The following ERI1 variants were observed in gnomAD, a reference collection of about 807,000 sequenced individuals.
ERI1 encodes 3'-5' exoribonuclease 1.
Under a neutral mutation model 39.7 loss-of-function variants are expected in ERI1, and 39 were observed. The observed-to-expected ratio is 0.98, with a 90% CI of 0.76 to 1.28. The LOEUF (loss-of-function observed/expected upper bound fraction) is 1.28. Among genes scored for constraint, ERI1 ranks in the 50% most tolerant of loss-of-function variants. The pLI is 0.00. For missense variants in ERI1, 581 were observed against 416.9 expected, an observed-to-expected ratio of 1.39 and a Z score of -3.43; for synonymous variants, 204 against 149.6, an observed-to-expected ratio of 1.36 and a Z score of -2.65.
Position 9,030,277 on chromosome 8 carries a change from A to G in ERI1, c.*243A>G. ...TACATAGTAACAGTTCCTGCTTACA[A>G]CTGAATTTTATAATTTAAGGTGTTC... On this transcript the variant is annotated 3_prime_UTR_variant, in exon 7 of 7. Transcript: ENST00000250263. The G allele has an allele frequency of 2.0e-6, 1 of 493,420 alleles. No homozygotes were observed. 30.6% of individuals were successfully genotyped at this position (493,420 alleles called of 1,614,324 possible). A position where few individuals can be genotyped will look rare whatever the true frequency, so the allele number is the denominator to read the frequency against.
chr8:9,095,217 A>G (rs1451706199), intron 3 of ERI1, among the ~76,000 whole-genome samples: 2 of 152,154 alleles, frequency 1.3e-5, no homozygotes, highest in African/African-American at 4.8e-5. Flanking sequence ...AGATTCAGGG[A>G]GTACATGTGC....
At chr8:9,047,031 C>A (rs1189837162) in intron 3 of ERI1, among the ~76,000 whole-genome samples, 1 of 152,180 alleles carries the variant, frequency 6.6e-6, no homozygotes, top group Non-Finnish European at 1.5e-5. Flanking sequence ...ACAATCAATA[C>A]TGCCCAAGAA....
At chr8:9,004,684 CTT>C (rs1279162284) in intron 1 of ERI1, among the ~76,000 whole-genome samples, 267 of 126,736 alleles carry the variant, frequency 2.1e-3, no homozygotes, top group African/African-American at 7.1e-3. Flanking sequence ...AGTAATGATA[CTT>C]TTTTTTTTTT....
intron 3 of ERI1, among the ~76,000 whole-genome samples, chr8:9,051,674 G>A (rs773993243): frequency 5.3e-5 from 8 of 150,792 alleles, no homozygotes; most frequent in Admixed American, 2.0e-4. Context: ...AAAAAAAGAA[G>A]CACGACTAAG....
intron 3 of ERI1, among the ~76,000 whole-genome samples, chr8:9,015,842 CTATT>C (rs1817211198): frequency 6.6e-6 from 1 of 150,898 alleles, no homozygotes; most frequent in African/African-American, 2.4e-5. Flanking sequence ...TAAATTTTGA[CTATT>C]TAGAATTTAG....
At position 9,032,517 on chromosome 8, in the gene ERI1, C is replaced by T. The variant is rs1247473607; in HGVS notation, c.*2483C>T. On this transcript the variant is annotated 3_prime_UTR_variant, in exon 7 of 7. Coordinates refer to ENST00000250263, the MANE Select transcript of ERI1 (RefSeq NM_153332.4). ...TGTTTTTGTGATGTGTCTTTGTTGC[C>T]TTGAGATAGATCCATTTATCCTGCC... 6.6e-6 allele frequency: 1 copy of T among 152,020 alleles called. No individual in the cohort carries two copies. Among genetic ancestry groups the T allele is most frequent in the Non-Finnish European group, 1.5e-5 (1 of 68,008 alleles). The allele number at this position is 152,020 out of a possible 1,614,324, so 9.4% of individuals were successfully genotyped here. A position where few individuals can be genotyped will look rare whatever the true frequency, so the allele number is the denominator to read the frequency against.
intron 5 of ERI1, among the ~76,000 whole-genome samples, chr8:9,019,241 C>T (rs547561399): frequency 1.1e-4 from 17 of 152,282 alleles, no homozygotes; most frequent in Admixed American, 3.9e-4. Flanking sequence ...TTGAAAAGAA[C>T]GTCCTAAACA....
At chr8:9,038,554 C>A (rs1024790913) in intron 3 of ERI1, among the ~76,000 whole-genome samples, 1 of 152,132 alleles carries the variant, frequency 6.6e-6, no homozygotes, top group Non-Finnish European at 1.5e-5. Context: ...GAGCTCAGTT[C>A]TGGACCAGCT....
intron 4 of ERI1, among the ~76,000 whole-genome samples, chr8:9,018,034 A>G (rs150903669): frequency 7.8e-4 from 119 of 152,332 alleles, no homozygotes; most frequent in African/African-American, 2.6e-3. Flanking sequence ...GCCTATAAAA[A>G]GAGAACCACT....
At chr8:9,023,057 G>A (rs1818083709) in intron 6 of ERI1, among the ~76,000 whole-genome samples, 1 of 152,126 alleles carries the variant, frequency 6.6e-6, no homozygotes. Context: ...TACCTTTTGT[G>A]TGTTGAGTCA....
intron 3 of ERI1, among the ~76,000 whole-genome samples, chr8:9,069,780 A>G (rs1038806773): frequency 2.0e-5 from 3 of 152,224 alleles, no homozygotes; most frequent in Admixed American, 6.5e-5. Flanking sequence ...ATTACTTTAC[A>G]AATGTGGCAA....
At chr8:9,014,613 T>C (rs916364471) in intron 3 of ERI1, among the ~76,000 whole-genome samples, 22 of 152,264 alleles carry the variant, frequency 1.4e-4, no homozygotes, top group Admixed American at 1.3e-3. Flanking sequence ...TAAAAGTATT[T>C]AGTAGCGAAT....
At chr8:9,088,426 G>A (rs554305239) in intron 3 of ERI1, 5 of 152,262 alleles carry the variant, frequency 3.3e-5, no homozygotes, top group Admixed American at 3.3e-4. Flanking sequence ...TGCCCATTCT[G>A]CTAAAGCTCT....
At chr8:9,020,280 T>C in intron 5 of ERI1, 70 bp from the exon 6 acceptor site, 2 of 756,856 alleles carry the variant, frequency 2.6e-6, no homozygotes, top group Non-Finnish European at 4.0e-6. Flanking sequence ...AATAAATGAT[T>C]TAAAATACTC....
intron 3 of ERI1, among the ~76,000 whole-genome samples, chr8:9,074,721 C>A (rs966373990): frequency 6.6e-6 from 1 of 152,226 alleles, no homozygotes; most frequent in Non-Finnish European, 1.5e-5. Flanking sequence ...AGGCGTGAGC[C>A]ACTGCGCCCA....
intron 3 of ERI1, among the ~76,000 whole-genome samples, chr8:9,056,110 A>G (rs970894560): frequency 6.6e-6 from 1 of 152,216 alleles, no homozygotes; most frequent in African/African-American, 2.4e-5. Context: ...CCTATGTGCT[A>G]TGGGTTCCTG....
At chr8:9,065,568 G>A (rs1045452564) in intron 3 of ERI1, among the ~76,000 whole-genome samples, 14 of 151,752 alleles carry the variant, frequency 9.2e-5, no homozygotes, top group Admixed American at 4.6e-4. Context: ...AGTGGGGGGC[G>A]CCTGTAGTCC....
At chr8:9,080,525 T>C (rs1799337233) in intron 3 of ERI1, among the ~76,000 whole-genome samples, 1 of 152,212 alleles carries the variant, frequency 6.6e-6, no homozygotes. Flanking sequence ...ACTTCTCCAG[T>C]TCCTGAGGCC....
chr8:9,028,763 A>C (rs1797372164), intron 6 of ERI1, among the ~76,000 whole-genome samples: 1 of 152,100 alleles, frequency 6.6e-6, no homozygotes, highest in African/African-American at 2.4e-5. Flanking sequence ...AGCTGGGATT[A>C]CAGGCGCACG....
Sources: allele counts gnomAD v4.1 joint callset (sites outside exome capture counted in the v4.1 genomes callset), GRCh38; gene constraint gnomAD v4.1.1; transcripts MANE v1.5; gene names NCBI Gene and HGNC (gene_info 2026-07-23, HGNC 2026-07-21).